The following WNK1 variants were observed in gnomAD, a reference collection of about 807,000 sequenced individuals.
The protein encoded by WNK1 is serine/threonine-protein kinase WNK1.
Under a neutral mutation model 222.8 loss-of-function variants are expected in WNK1, and 38 were observed. The observed-to-expected ratio is 0.17, with a 90% CI of 0.13 to 0.22. WNK1 has a LOEUF of 0.22. WNK1 is among the 10% of genes least tolerant of loss of function. The probability of loss-of-function intolerance (pLI) is 1.00; values close to 1 mark genes in which losing one functional copy is unlikely to be tolerated. For missense variants in WNK1, 2,348 were observed against 2,918.4 expected (o/e 0.80, Z 4.50); for synonymous variants, 1,090 against 1,092.9 (o/e 1.00, Z 0.05).
chr12:887,505 G>A lies in WNK1; in HGVS notation c.5364+201G>A, dbSNP rs11064584. On this transcript the variant is annotated intron_variant, in intron 20 of 27. Transcript: ENST00000315939. Reference sequence around the variant, plus strand: ...CTCTTTTGTTTGTAATGTTGCTTCCGGTTATCCAAAAACACTTGATACTAA... The same window carrying A: ...CTCTTTTGTTTGTAATGTTGCTTCCAGTTATCCAAAAACACTTGATACTAA... Among the ~76,000 whole-genome samples the A allele has an allele frequency of 0.24, 36,740 of 151,956 alleles. 4,507 individuals are homozygous for A. Among genetic ancestry groups the A allele is most frequent in the Middle Eastern group, 0.29 (85 of 294 alleles).
rs540030640 is a variant in WNK1 at position 831,444 on chromosome 12, C to T, written c.1311+1284C>T. ...TCCTAGCTACTTTGGAGGCTGAGGC[C>T]CGAGAATCTCTGGAACCCGGGAGAT... is the stretch of plus-strand genomic sequence containing the variant. On this transcript the variant is annotated intron_variant, in intron 4 of 27. Transcript: ENST00000315939. Among the ~76,000 whole-genome samples, 11 of 151,756 alleles carry T rather than the reference C, an allele frequency of 7.2e-5. No homozygotes were observed. The South Asian group carries it at 2.3e-3, about 32-fold the overall frequency.
chr12:806,849 C>T (rs1946406408), intron 1 of WNK1, among the ~76,000 whole-genome samples: 1 of 152,104 alleles, frequency 6.6e-6, no homozygotes, highest in Non-Finnish European at 1.5e-5. Flanking sequence ...CAGACCTTGC[C>T]AGGCATAAAG....
chr12:908,886 G>C lies in WNK1; in HGVS notation c.*94G>C. ...GAAGTAGCCTATATACTAACTACTA[G>C]TGCTGCATTTAACTGGTTATTTCTT... is the stretch of plus-strand genomic sequence containing the variant. On this transcript the variant is annotated 3_prime_UTR_variant, in exon 28 of 28. Transcript: ENST00000315939. 1 of 1,334,080 alleles carries C rather than the reference G, an allele frequency of 7.5e-7. No homozygotes were observed. The highest frequency in any genetic ancestry group is 1.1e-6 in the Non-Finnish European group (1 of 950,690). The allele number at this position is 1,334,080 out of a possible 1,614,324, so 82.6% of individuals were successfully genotyped here. A position where few individuals can be genotyped will look rare whatever the true frequency, so the allele number is the denominator to read the frequency against.
intron 26 of WNK1, 69 bp from the exon 27 acceptor site, chr12:907,778 A>G: frequency 6.4e-7 from 1 of 1,568,652 alleles, no homozygotes; most frequent in Non-Finnish European, 8.8e-7. Flanking sequence ...TCATCCCGTG[A>G]AGTTTTCCCT....
intron 20 of WNK1, among the ~76,000 whole-genome samples, chr12:888,665 G>A (rs1174203990): frequency 2.0e-5 from 3 of 152,130 alleles, no homozygotes; most frequent in Admixed American, 1.3e-4. Context: ...ATGTAAGAAA[G>A]AGGAAAATAA....
In WNK1 at chr12:908,404, GTA is replaced by G. The variant is rs2154104360; in HGVS notation, c.6832-67_6832-66del. ...TGTATCTTACAGGATTATACTAGAAGTATATGTTAGCGCCACACATTTTATAC... is the reference window on the plus strand; with the variant it reads ...TGTATCTTACAGGATTATACTAGAAGTATGTTAGCGCCACACATTTTATAC... On this transcript the variant is annotated intron_variant, in intron 27 of 27. Transcript: ENST00000315939. The G allele has an allele frequency of 2.0e-6, 3 of 1,465,684 alleles. No homozygotes were observed. In the South Asian group the frequency reaches 3.4e-5, roughly 17 times the overall value. The allele number at this position is 1,465,684 out of a possible 1,614,324, so 90.8% of individuals were successfully genotyped here. A position where few individuals can be genotyped will look rare whatever the true frequency, so the allele number is the denominator to read the frequency against.
At chr12:878,476 A>G (rs1174076608) in intron 10 of WNK1, 115 bp downstream of exon 10, 2 of 1,201,694 alleles carry the variant, frequency 1.7e-6, no homozygotes, top group Non-Finnish European at 2.4e-6. Context: ...TTTTCTTCTA[A>G]GGGTAACCAA....
At chr12:795,387 A>G (rs1002653970) in intron 1 of WNK1, among the ~76,000 whole-genome samples, 1 of 149,140 alleles carries the variant, frequency 6.7e-6, no homozygotes, top group East Asian at 2.0e-4. Context: ...AATAATCTTC[A>G]TGTGTCAGTG....
At chr12:786,229 C>T (rs754145890) in intron 1 of WNK1, among the ~76,000 whole-genome samples, 1 of 152,006 alleles carries the variant, frequency 6.6e-6, no homozygotes, top group African/African-American at 2.4e-5. Flanking sequence ...ACGTGTCAGC[C>T]CTACAAAATA....
chr12:788,490 C>T (rs1944530006), intron 1 of WNK1, among the ~76,000 whole-genome samples: 1 of 152,150 alleles, frequency 6.6e-6, no homozygotes, highest in South Asian at 2.1e-4. Context: ...TGAGAAAGGC[C>T]TGTAATGCCA....
chr12:823,028 T>C (rs962629659), intron 2 of WNK1, among the ~76,000 whole-genome samples: 1 of 152,206 alleles, frequency 6.6e-6, no homozygotes, highest in African/African-American at 2.4e-5. Flanking sequence ...TTTGCTGATA[T>C]ATAATTCGTG....
At position 753,868 on chromosome 12, in the gene WNK1, C is replaced by G; in HGVS notation, c.303C>G (p.Ser101=). The change falls in exon 1 of 28, where the codon TCC becomes TCG. Residue 101 remains serine (S), a synonymous_variant. Transcript: ENST00000315939. The surrounding 1 kb of genome is among the most constrained non-coding windows in gnomAD (Gnocchi z 5.2). ...TGGAGCTTCCCGGCCTTCCTCTTTCCCTGCCCCAGCCCAGCATCCCCGCGG... is the reference window on the plus strand; with the variant it reads ...TGGAGCTTCCCGGCCTTCCTCTTTCGCTGCCCCAGCCCAGCATCCCCGCGG... ...TALELPGLPL[S]LPQPSIPAAV... is the part of the protein sequence containing the mutation. 2.5e-6 allele frequency: 4 copies of G among 1,612,554 alleles called. No homozygotes were observed. Among genetic ancestry groups the G allele is most frequent in the Non-Finnish European group, 2.5e-6 (3 of 1,179,892 alleles).
chr12:756,457 C>G (rs1940050607), intron 1 of WNK1, among the ~76,000 whole-genome samples: 1 of 152,156 alleles, frequency 6.6e-6, no homozygotes, highest in Non-Finnish European at 1.5e-5. Flanking sequence ...CATTACCAAA[C>G]TAAAGAAAAT....
At chr12:793,657 C>T (rs549463000) in intron 1 of WNK1, among the ~76,000 whole-genome samples, 2 of 152,210 alleles carry the variant, frequency 1.3e-5, no homozygotes, top group Non-Finnish European at 1.5e-5. Flanking sequence ...TGAGACAGAA[C>T]ACTGGATTAG....
At chr12:850,100 G>C (rs961808959) in intron 4 of WNK1, among the ~76,000 whole-genome samples, 1 of 151,908 alleles carries the variant, frequency 6.6e-6, no homozygotes, top group African/African-American at 2.4e-5. Flanking sequence ...GGATGGCTGG[G>C]TCAAATGGTA....
chr12:806,078 G>A (rs1189923950), intron 1 of WNK1, among the ~76,000 whole-genome samples: 1 of 152,168 alleles, frequency 6.6e-6, no homozygotes, highest in African/African-American at 2.4e-5. Context: ...GAATGGGGTA[G>A]CTGCCATAAA....
intron 9 of WNK1, among the ~76,000 whole-genome samples, chr12:876,223 C>T (rs1445423348): frequency 6.6e-6 from 1 of 152,106 alleles, no homozygotes; most frequent in Non-Finnish European, 1.5e-5. Flanking sequence ...TCCTGGCTAA[C>T]ATGGTGAAAA....
At chr12:780,796 CTGAG>C (rs1943616338) in intron 1 of WNK1, among the ~76,000 whole-genome samples, 1 of 152,182 alleles carries the variant, frequency 6.6e-6, no homozygotes, top group Admixed American at 6.5e-5. Context: ...AATTAGTAAA[CTGAG>C]TGGTAGAGTT....
intron 26 of WNK1, chr12:901,695 C>A: frequency 9.0e-7 from 1 of 1,107,530 alleles, no homozygotes; most frequent in Non-Finnish European, 1.2e-6. Context: ...TGTGTTTCTG[C>A]TGCTTGGATC....
Sources: gnomAD v4.1 joint callset for allele counts (sites outside exome capture counted in the v4.1 genomes callset) on GRCh38, gnomAD v4.1.1 for gene constraint, Gnocchi (gnomAD v3.1) non-coding constraint, MANE v1.5 for transcripts, NCBI Gene and HGNC (gene_info 2026-07-23, HGNC 2026-07-21) for gene names.